Variants in CCDC148 observed in about 807,000 individuals in gnomAD.
The protein encoded by CCDC148 is coiled-coil domain-containing protein 148.
Under a neutral mutation model 85.7 loss-of-function variants are expected in CCDC148, and 89 were observed. The ratio of observed to expected loss-of-function variants is 1.04; its 90% CI spans 0.87 to 1.24. The LOEUF is 1.24. Among genes scored for constraint, CCDC148 ranks in the 50% most tolerant of loss-of-function variants. CCDC148 has a pLI of 0.00. For synonymous variants in CCDC148, 230 were observed against 213.9 expected, an observed-to-expected ratio of 1.08 and a Z score of -0.66; for missense variants, 692 against 671.7, an observed-to-expected ratio of 1.03 and a Z score of -0.33.
intron 13 of CCDC148, among the ~76,000 whole-genome samples, chr2:158,174,251 T>A (rs1684459766): frequency 6.6e-6 from 1 of 152,060 alleles, no homozygotes; most frequent in Non-Finnish European, 1.5e-5. Context: ...GTAAATAGCT[T>A]ATACAAATGC....
At chr2:158,275,300 T>A (rs928485759) in intron 9 of CCDC148, among the ~76,000 whole-genome samples, 6 of 152,228 alleles carry the variant, frequency 3.9e-5, no homozygotes, top group Non-Finnish European at 7.3e-5. Flanking sequence ...TCCTCTCTTA[T>A]AAGATAGCTC....
At chr2:158,421,927 A>T (rs1686811829) in intron 1 of CCDC148, among the ~76,000 whole-genome samples, 1 of 152,234 alleles carries the variant, frequency 6.6e-6, no homozygotes, top group Non-Finnish European at 1.5e-5. Context: ...ATCCCACAGA[A>T]ATACAAACTA....
At chr2:158,244,024 C>T (rs1341740547) in intron 10 of CCDC148, among the ~76,000 whole-genome samples, 1 of 152,004 alleles carries the variant, frequency 6.6e-6, no homozygotes, top group Admixed American at 6.6e-5. Context: ...CCTAATTTTT[C>T]CAGTTTCCAA....
Position 158,353,111 on chromosome 2 carries a change from G to A in CCDC148, c.147+5338C>T, listed in dbSNP as rs868201572. On this transcript the variant is annotated intron_variant, in intron 2 of 13. Coordinates refer to ENST00000283233, the MANE Select transcript of CCDC148 (RefSeq NM_138803.4). ...CGGAAAAGAACAACCGGTACCAGCC[G>A]CTGCAAAATCATGCCAAAATGTAAA... Among the ~76,000 whole-genome samples, 63 of 151,202 alleles carry A rather than the reference G, an allele frequency of 4.2e-4. 1 individual carries two copies. The Middle Eastern group carries it at 0.014, about 33-fold the overall frequency.
chr2:158,338,561 G>T, intron 7 of CCDC148, 165 bp downstream of exon 7: 1 of 539,464 alleles, frequency 1.9e-6, no homozygotes, highest in Non-Finnish European at 3.1e-6. Flanking sequence ...AAATTTTTTT[G>T]AAAAAATAAA....
chr2:158,407,326 C>A lies in CCDC148; in HGVS notation c.26-48756G>T, dbSNP rs372796677. ...TTTTGTGGCTGGCTTCTGGTCACCT[C>A]ACCTCCTTCCCCCAGGCATCTTCCT... On this transcript the variant is annotated intron_variant, in intron 1 of 13. Coordinates refer to ENST00000283233, the MANE Select transcript of CCDC148 (RefSeq NM_138803.4). Among the ~76,000 whole-genome samples, 16 of 152,250 alleles carry A rather than the reference C, an allele frequency of 1.1e-4. No individual in the cohort carries two copies. In the East Asian group the frequency reaches 2.9e-3, roughly 28 times the overall value.
intron 9 of CCDC148, among the ~76,000 whole-genome samples, chr2:158,289,939 C>T (rs1044227990): frequency 2.6e-5 from 4 of 152,096 alleles, no homozygotes; most frequent in Admixed American, 2.0e-4. Context: ...GGAGTTCAAA[C>T]ACAGGCAAAA....
At chr2:158,317,190 T>A (rs193299766) in intron 7 of CCDC148, among the ~76,000 whole-genome samples, 1 of 152,208 alleles carries the variant, frequency 6.6e-6, no homozygotes, top group Admixed American at 6.5e-5. Flanking sequence ...TGTCCTAAGC[T>A]TTTTGCAATT....
intron 9 of CCDC148, among the ~76,000 whole-genome samples, chr2:158,306,434 T>C (rs1313210772): frequency 2.0e-5 from 3 of 151,962 alleles, no homozygotes; most frequent in Non-Finnish European, 2.9e-5. Context: ...AACCCAAATG[T>C]CCATCAATGA....
At chr2:158,440,469 T>C (rs1258120650) in intron 1 of CCDC148, among the ~76,000 whole-genome samples, 1 of 152,046 alleles carries the variant, frequency 6.6e-6, no homozygotes, top group African/African-American at 2.4e-5. Flanking sequence ...ACATGCACAA[T>C]AGTCCCCCGT....
intron 10 of CCDC148, among the ~76,000 whole-genome samples, chr2:158,249,052 T>A (rs1688683885): frequency 1.3e-5 from 2 of 152,212 alleles, no homozygotes; most frequent in Admixed American, 1.3e-4. Flanking sequence ...CTCCATCCTC[T>A]CCTGTGTAGC....
intron 10 of CCDC148, among the ~76,000 whole-genome samples, chr2:158,221,862 A>G (rs957138682): frequency 6.6e-6 from 1 of 152,156 alleles, no homozygotes; most frequent in Non-Finnish European, 1.5e-5. Context: ...AGATAAAGCT[A>G]GAAAGGCAGC....
intron 1 of CCDC148, among the ~76,000 whole-genome samples, chr2:158,367,160 G>A (rs2105276059): frequency 6.6e-6 from 1 of 152,244 alleles, no homozygotes; most frequent in South Asian, 2.1e-4. Context: ...CCACAGGAGT[G>A]GCAGAAAATT....
chr2:158,268,896 A>G (rs1375799304), intron 9 of CCDC148, among the ~76,000 whole-genome samples: 2 of 152,118 alleles, frequency 1.3e-5, no homozygotes, highest in Admixed American at 1.3e-4. Context: ...CAAATGGCAG[A>G]ATTTCCTTCT....
At chr2:158,206,008 T>C (rs1686222720) in intron 11 of CCDC148, among the ~76,000 whole-genome samples, 1 of 152,212 alleles carries the variant, frequency 6.6e-6, no homozygotes, top group Non-Finnish European at 1.5e-5. Flanking sequence ...CTTGAATCAC[T>C]ATTGGACCCT....
chr2:158,172,014 T>A lies in CCDC148; in HGVS notation c.*99A>T. 2.2e-6 allele frequency: 2 copies of A among 928,288 alleles called. No homozygotes were observed. The highest frequency in any genetic ancestry group is 3.1e-6 in the Non-Finnish European group (2 of 638,698). 57.5% of individuals were successfully genotyped at this position (928,288 alleles called of 1,614,324 possible). On this transcript the variant is annotated 3_prime_UTR_variant, in exon 14 of 14. Coordinates refer to ENST00000283233, the MANE Select transcript of CCDC148 (RefSeq NM_138803.4). ...TTTAATAGATGCTATGATTTCTATGTCTGATATTTCAAACATTTTAGAAAG... is the reference window on the plus strand; with the variant it reads ...TTTAATAGATGCTATGATTTCTATGACTGATATTTCAAACATTTTAGAAAG...
Position 158,407,970 on chromosome 2 carries a change from C to A in CCDC148, c.25+48445G>T, listed in dbSNP as rs560567873. On this transcript the variant is annotated intron_variant, in intron 1 of 13. Transcript: ENST00000283233. Reference sequence around the variant, plus strand: ...CTATTTTAAGTACAAATTCTAAATTCTTTGAATAAATATAAAAATGGTCCA... The same window carrying A: ...CTATTTTAAGTACAAATTCTAAATTATTTGAATAAATATAAAAATGGTCCA... Among the ~76,000 whole-genome samples, 6 of 152,180 alleles carry A rather than the reference C, an allele frequency of 3.9e-5. No homozygotes were observed. In the South Asian group the frequency reaches 6.2e-4, roughly 16 times the overall value.
At chr2:158,412,453 T>C (rs578020188) in intron 1 of CCDC148, among the ~76,000 whole-genome samples, 1 of 152,310 alleles carries the variant, frequency 6.6e-6, no homozygotes, top group African/African-American at 2.4e-5. Flanking sequence ...ATTCCTCTCA[T>C]GATTTGAATA....
chr2:158,432,836 G>A (rs1005255369), intron 1 of CCDC148, among the ~76,000 whole-genome samples: 11 of 151,860 alleles, frequency 7.2e-5, no homozygotes, highest in Non-Finnish European at 1.6e-4. Context: ...CACTTTGGGA[G>A]GCCAAGGTGG....
Sources: gnomAD v4.1 joint callset for allele counts (sites outside exome capture counted in the v4.1 genomes callset) on GRCh38, gnomAD v4.1.1 for gene constraint, MANE v1.5 for transcripts, NCBI Gene and HGNC (gene_info 2026-07-23, HGNC 2026-07-21) for gene names.